The following ORC5 variants were observed in gnomAD, a reference collection of about 807,000 sequenced individuals.
ORC5 encodes the protein protein phosphatase 1, regulatory subunit 117.
ORC5 carries 39 observed loss-of-function variants against 58.8 expected under a neutral mutation model. That is an observed-to-expected ratio of 0.66 (90% CI 0.51 to 0.87). The LOEUF (loss-of-function observed/expected upper bound fraction) is 0.87. Among genes scored for constraint, ORC5 ranks in the 40% least tolerant of loss-of-function variants. The pLI is 0.00. For missense variants in ORC5, 493 were observed against 506.3 expected (o/e 0.97, Z 0.25); for synonymous variants, 218 against 177.6 (o/e 1.23, Z -1.81).
At chr7:104,177,126 C>A (rs1322314676) in intron 8 of ORC5, among the ~76,000 whole-genome samples, 1 of 152,160 alleles carries the variant, frequency 6.6e-6, no homozygotes, top group Non-Finnish European at 1.5e-5. Context: ...TAATGACTAG[C>A]CTTGCCTAAT....
At chr7:104,162,907 C>G (rs10239281) in intron 11 of ORC5, among the ~76,000 whole-genome samples, 4 of 152,000 alleles carry the variant, frequency 2.6e-5, no homozygotes, top group African/African-American at 9.7e-5. Flanking sequence ...ACAAACAATA[C>G]ACAGCATTGT....
chr7:104,174,596 G>A (rs565376809), intron 8 of ORC5, among the ~76,000 whole-genome samples: 1 of 152,258 alleles, frequency 6.6e-6, no homozygotes, highest in East Asian at 1.9e-4. Context: ...GCGACCCTAG[G>A]GTGATGGGCA....
intron 12 of ORC5, among the ~76,000 whole-genome samples, chr7:104,144,640 C>G (rs1798727104): frequency 6.6e-6 from 1 of 152,164 alleles, no homozygotes; most frequent in Admixed American, 6.5e-5. Flanking sequence ...GCCTGTAATC[C>G]CAGCTATTCT....
In ORC5 at chr7:104,183,928, T is replaced by G; in HGVS notation, c.824+15A>C. ...AAGATATAAAAACTAGTATGCATACTAAATAGAAAATTACCTTGATATTTC... is the reference window on the plus strand; with the variant it reads ...AAGATATAAAAACTAGTATGCATACGAAATAGAAAATTACCTTGATATTTC... On this transcript the variant is annotated intron_variant, in intron 8 of 13. Transcript: ENST00000297431. 6.4e-7 allele frequency: 1 copy of G among 1,554,602 alleles called. No homozygotes were observed. The highest frequency in any genetic ancestry group is 8.8e-7 in the Non-Finnish European group (1 of 1,130,050).
chr7:104,128,936 A>C (rs532456899), intron 13 of ORC5, among the ~76,000 whole-genome samples: 2 of 151,942 alleles, frequency 1.3e-5, no homozygotes, highest in East Asian at 3.9e-4. Context: ...AAAATTTTTG[A>C]AGCAGGTAAG....
intron 12 of ORC5, among the ~76,000 whole-genome samples, chr7:104,157,808 A>G (rs765824208): frequency 6.6e-6 from 1 of 152,142 alleles, no homozygotes; most frequent in East Asian, 1.9e-4. Flanking sequence ...CAGTAGTGTT[A>G]CTATGATGCT....
intron 3 of ORC5, among the ~76,000 whole-genome samples, chr7:104,199,705 C>T (rs1274679052): frequency 6.6e-6 from 1 of 152,148 alleles, no homozygotes; most frequent in African/African-American, 2.4e-5. Context: ...AGACTTTGGA[C>T]TTGGACTTTT....
intron 6 of ORC5, among the ~76,000 whole-genome samples, chr7:104,186,328 G>T (rs1799543167): frequency 6.6e-6 from 1 of 152,062 alleles, no homozygotes; most frequent in Admixed American, 6.6e-5. Context: ...CTGCGGAGTT[G>T]ATCGCAGGGT....
chr7:104,181,083 G>C (rs917988069), intron 8 of ORC5, among the ~76,000 whole-genome samples: 1 of 152,132 alleles, frequency 6.6e-6, no homozygotes, highest in Non-Finnish European at 1.5e-5. Flanking sequence ...GAAATGATGG[G>C]CTCATGAAAC....
At chr7:104,145,258 T>G (rs1337579677) in intron 12 of ORC5, among the ~76,000 whole-genome samples, 2 of 152,238 alleles carry the variant, frequency 1.3e-5, no homozygotes, top group African/African-American at 2.4e-5. Context: ...CCCTTCTTAT[T>G]CAGTGACACA....
chr7:104,132,631 T>C (rs1361877490), intron 13 of ORC5, among the ~76,000 whole-genome samples: 1 of 152,194 alleles, frequency 6.6e-6, no homozygotes, highest in Non-Finnish European at 1.5e-5. Context: ...AAACATGCAA[T>C]ATTTATTTAG....
intron 3 of ORC5, 92 bp from the exon 4 acceptor site, chr7:104,197,891 T>G: frequency 1.4e-6 from 1 of 727,022 alleles, no homozygotes; most frequent in Non-Finnish European, 2.2e-6. Flanking sequence ...AAAGTTCATG[T>G]GTTGGAACTT....
chr7:104,196,890 T>C lies in ORC5; in HGVS notation c.441+835A>G, dbSNP rs116983554. On this transcript the variant is annotated intron_variant, in intron 4 of 13. Coordinates refer to ENST00000297431, the MANE Select transcript of ORC5 (RefSeq NM_002553.4). ...ACTAAATCTTTATTCCCTTTATGAA[T>C]ACGGTGAATATGGTTTCACCTGGAA... is the stretch of plus-strand genomic sequence containing the variant. Among the ~76,000 whole-genome samples the C allele has an allele frequency of 2.6e-3, 390 of 152,306 alleles. 17 individuals are homozygous for C. The East Asian group carries it at 0.068, about 27-fold the overall frequency.
intron 12 of ORC5, among the ~76,000 whole-genome samples, chr7:104,149,200 A>AAATT (rs1453438638): frequency 6.6e-6 from 1 of 152,168 alleles, no homozygotes; most frequent in Non-Finnish European, 1.5e-5. Context: ...TAAAATATTA[A>AAATT]AATACATTAA....
chr7:104,204,532 G>T (rs1800028224), intron 1 of ORC5, among the ~76,000 whole-genome samples: 1 of 152,010 alleles, frequency 6.6e-6, no homozygotes, highest in Non-Finnish European at 1.5e-5. Flanking sequence ...CAACTTCATA[G>T]CAGATTTAAG....
intron 12 of ORC5, among the ~76,000 whole-genome samples, chr7:104,140,710 G>C (rs1798658466): frequency 6.6e-6 from 1 of 152,154 alleles, no homozygotes; most frequent in South Asian, 2.1e-4. Flanking sequence ...TTTATTCCAA[G>C]AATGTCTCCA....
At chr7:104,175,329 AC>A (rs2115923706) in intron 8 of ORC5, among the ~76,000 whole-genome samples, 1 of 152,090 alleles carries the variant, frequency 6.6e-6, no homozygotes, top group South Asian at 2.1e-4. Context: ...TAATTTCTCT[AC>A]CTCTCTATTT....
chr7:104,155,756 A>G (rs1430759348), intron 12 of ORC5, among the ~76,000 whole-genome samples: 2 of 151,588 alleles, frequency 1.3e-5, no homozygotes, highest in African/African-American at 2.4e-5. Context: ...AATCTTAAAG[A>G]ACTGTACTCC....
At chr7:104,161,317 A>T in intron 11 of ORC5, 135 bp from the exon 12 acceptor site, 2 of 562,884 alleles carry the variant, frequency 3.6e-6, no homozygotes, top group South Asian at 4.4e-5. Flanking sequence ...TCTAACCTGC[A>T]AACTCTAAGT....
Sources: allele counts gnomAD v4.1 joint callset (sites outside exome capture counted in the v4.1 genomes callset), GRCh38; gene constraint gnomAD v4.1.1; transcripts MANE v1.5; gene names NCBI Gene and HGNC (gene_info 2026-07-23, HGNC 2026-07-21).